Variants in DCP1B observed in about 807,000 individuals in gnomAD.
The protein encoded by DCP1B is mRNA-decapping enzyme 1B.
Under a neutral mutation model 60.5 loss-of-function variants are expected in DCP1B, and 47 were observed. That is an observed-to-expected ratio of 0.78 (90% CI 0.61 to 0.99). The LOEUF (loss-of-function observed/expected upper bound fraction) is 0.99, where lower values mean the gene tolerates loss of function less well. DCP1B is among the 50% of genes least tolerant of loss of function. DCP1B has a pLI of 0.00. For synonymous variants in DCP1B, 267 were observed against 280.3 expected, an observed-to-expected ratio of 0.95 and a Z score of 0.47; for missense variants, 725 against 756.8, an observed-to-expected ratio of 0.96 and a Z score of 0.49.
rs752449451 is a variant in DCP1B at position 1,965,685 on chromosome 12, T to C, written c.395A>G (p.Gln132Arg). 17 of 1,604,732 alleles carry C rather than the reference T, an allele frequency of 1.1e-5. No individual in the cohort carries two copies. The highest frequency in any genetic ancestry group is 4.5e-5 in the East Asian group (2 of 44,442). The change falls in exon 5 of 9, where the codon CAG (glutamine) becomes CGG (arginine). Residue 132 changes from glutamine (Q) to arginine (R), a missense_variant. Coordinates refer to ENST00000280665, the MANE Select transcript of DCP1B (RefSeq NM_152640.5). The part of the protein sequence containing the change: ...RIAELMKNLT[Q>R]YEQLKAHQGT... Reference sequence around the variant, plus strand: ...CTGATGGGCTTTCAACTGTTCATACTGAGTTAGGCTAGAAAAACAGAGGGG... The same window carrying C: ...CTGATGGGCTTTCAACTGTTCATACCGAGTTAGGCTAGAAAAACAGAGGGG...
chr12:2,002,754 T>C (rs948033537), intron 1 of DCP1B, among the ~76,000 whole-genome samples: 11 of 152,192 alleles, frequency 7.2e-5, no homozygotes, highest in African/African-American at 2.4e-4. Flanking sequence ...TTTTACAGGA[T>C]TATAACATTA....
intron 3 of DCP1B, among the ~76,000 whole-genome samples, chr12:1,970,599 C>T (rs1413499772): frequency 6.6e-6 from 1 of 152,106 alleles, no homozygotes; most frequent in African/African-American, 2.4e-5. Flanking sequence ...TAAGGTCTAC[C>T]AACCCCTGGA....
intron 3 of DCP1B, among the ~76,000 whole-genome samples, chr12:1,983,005 G>C (rs1018174885): frequency 2.6e-5 from 4 of 151,780 alleles, no homozygotes; most frequent in African/African-American, 9.7e-5. Context: ...CTGATGATTT[G>C]TATTTCTCAG....
chr12:1,959,787 G>T (rs917001085), intron 5 of DCP1B, among the ~76,000 whole-genome samples: 1 of 151,884 alleles, frequency 6.6e-6, no homozygotes, highest in African/African-American at 2.4e-5. Context: ...GTGAAACCCC[G>T]TCTCTACTAA....
intron 2 of DCP1B, among the ~76,000 whole-genome samples, chr12:1,996,655 AC>A (rs368598566): frequency 0.052 from 1,289 of 24,724 alleles, 184 homozygotes; most frequent in African/African-American, 0.073. Flanking sequence ...AAAAAAAAAA[AC>A]AACAAACTCT....
chr12:1,945,631 C>A (rs1298617977), downstream of DCP1B, among the ~76,000 whole-genome samples: 1 of 152,168 alleles, frequency 6.6e-6, no homozygotes. Context: ...TGGAACCAAC[C>A]CAAATGTCCA....
At chr12:1,959,905 A>G (rs1592786732) in intron 5 of DCP1B, among the ~76,000 whole-genome samples, 1 of 151,468 alleles carries the variant, frequency 6.6e-6, no homozygotes, top group African/African-American at 2.4e-5. Context: ...GCTTGCCATG[A>G]GCCAAGATTG....
At chr12:1,989,041 C>CTA (rs2038638949) in intron 3 of DCP1B, among the ~76,000 whole-genome samples, 2 of 152,176 alleles carry the variant, frequency 1.3e-5, no homozygotes. Context: ...CATTGCAATC[C>CTA]TATAACTGTG....
intron 2 of DCP1B, among the ~76,000 whole-genome samples, chr12:1,993,986 C>T (rs1158640904): frequency 6.6e-6 from 1 of 152,176 alleles, no homozygotes; most frequent in Non-Finnish European, 1.5e-5. Context: ...TTGTTTTCTT[C>T]AATGCAAAGC....
In DCP1B at chr12:1,948,064, C is replaced by T. The variant is rs369381729; in HGVS notation, c.1773+1022G>A. ...AAGGGCTGGCCTGCTCTCTAAAGGC[C>T]GTCTGATGCTTAAGCAAAGTACCAC... is the stretch of plus-strand genomic sequence containing the variant. On this transcript the variant is annotated intron_variant, in intron 8 of 8. Transcript: ENST00000280665. The surrounding 1 kb of genome is among the most constrained non-coding windows in gnomAD (Gnocchi z 4.8). 5.3e-5 allele frequency among the ~76,000 whole-genome samples: 8 copies of T among 152,200 alleles called. No homozygotes were observed. The highest frequency in any genetic ancestry group is 2.1e-4 in the South Asian group (1 of 4,830).
chr12:1,947,117 A>C (rs1243311879), intron 8 of DCP1B, among the ~76,000 whole-genome samples: 1 of 152,200 alleles, frequency 6.6e-6, no homozygotes, highest in Non-Finnish European at 1.5e-5. Context: ...AAGTTATGGA[A>C]AGTTTCTAGC....
At chr12:1,975,523 T>C (rs2034060675) in intron 3 of DCP1B, among the ~76,000 whole-genome samples, 1 of 152,146 alleles carries the variant, frequency 6.6e-6, no homozygotes, top group African/African-American at 2.4e-5. Context: ...ATGCTTTCCT[T>C]ATTAAGCATT....
At chr12:1,964,827 A>C (rs1422867014) in intron 5 of DCP1B, among the ~76,000 whole-genome samples, 1 of 152,158 alleles carries the variant, frequency 6.6e-6, no homozygotes, top group African/African-American at 2.4e-5. Context: ...TACTGTTTGA[A>C]ATGTTGACTT....
At chr12:1,945,669 C>T (rs374663254), downstream of DCP1B, among the ~76,000 whole-genome samples, 33 of 152,288 alleles carry the variant, frequency 2.2e-4, no homozygotes, top group African/African-American at 6.5e-4. Flanking sequence ...AAAGAAAATA[C>T]GGCATATATA....
chr12:1,982,259 G>A (rs1371801471), intron 3 of DCP1B, among the ~76,000 whole-genome samples: 1 of 152,084 alleles, frequency 6.6e-6, no homozygotes, highest in Non-Finnish European at 1.5e-5. Flanking sequence ...TTTAAAATAT[G>A]CAGTTCAGTG....
At chr12:1,993,100 C>T (rs1401840237) in intron 3 of DCP1B, 164 bp downstream of exon 3, 2 of 889,222 alleles carry the variant, frequency 2.2e-6, no homozygotes, top group South Asian at 2.6e-5. Context: ...GAATCTATTC[C>T]ATCATTAGGG....
intron 2 of DCP1B, 81 bp downstream of exon 2, chr12:1,997,854 T>C (rs538246177): frequency 9.5e-5 from 106 of 1,120,250 alleles, no homozygotes; most frequent in South Asian, 3.5e-4. Context: ...TAAAACTGCA[T>C]GCACTTGAAG....
At chr12:1,970,620 A>C (rs1467893236) in intron 3 of DCP1B, among the ~76,000 whole-genome samples, 1 of 151,982 alleles carries the variant, frequency 6.6e-6, no homozygotes, top group Non-Finnish European at 1.5e-5. Flanking sequence ...CAAACCTATC[A>C]CTCTTCCACA....
At position 1,971,108 on chromosome 12, in the gene DCP1B, C is replaced by A. The variant is rs751771077; in HGVS notation, c.320-3198G>T. 554 of 1,289,488 alleles carry A rather than the reference C, an allele frequency of 4.3e-4. No homozygotes were observed. Among genetic ancestry groups the A allele is most frequent in the Non-Finnish European group, 5.1e-4 (503 of 988,562 alleles). The allele number at this position is 1,289,488 out of a possible 1,614,324, so 79.9% of individuals were successfully genotyped here. ...GCCTGGTACGCCTGCATACCAGCCG[C>A]TTCCCAGCCACCTGTCTGCCAACAC... On this transcript the variant is annotated intron_variant, in intron 3 of 8. Transcript: ENST00000280665. This position sits in a 1 kb window ranked among gnomAD's most constrained non-coding sequence, Gnocchi z 4.2.
Sources: allele counts gnomAD v4.1 joint callset (sites outside exome capture counted in the v4.1 genomes callset), GRCh38; gene constraint gnomAD v4.1.1; non-coding constraint Gnocchi (gnomAD v3.1); transcripts MANE v1.5; gene names NCBI Gene and HGNC (gene_info 2026-07-23, HGNC 2026-07-21).